Variants in PIK3C2G observed in about 807,000 individuals in gnomAD.
The protein encoded by PIK3C2G is phosphatidylinositol-4-phosphate 3-kinase catalytic subunit type 2 gamma.
Under a neutral mutation model 181.1 loss-of-function variants are expected in PIK3C2G, and 168 were observed. The ratio of observed to expected loss-of-function variants is 0.93; its 90% CI spans 0.82 to 1.05. The LOEUF (loss-of-function observed/expected upper bound fraction) is 1.05. Among genes scored for constraint, PIK3C2G ranks in the 50% least tolerant of loss-of-function variants. The pLI, the probability that PIK3C2G is intolerant of heterozygous loss-of-function variation, is 0.00. For missense variants in PIK3C2G, 1,869 were observed against 1,732.8 expected (o/e 1.08, Z -1.40); for synonymous variants, 573 against 592.2 (o/e 0.97, Z 0.47).
At chr12:18,500,418 G>C (rs1205303892) in intron 22 of PIK3C2G, among the ~76,000 whole-genome samples, 1 of 152,178 alleles carries the variant, frequency 6.6e-6, no homozygotes, top group Non-Finnish European at 1.5e-5. Context: ...AGCCATGCCT[G>C]AGCCTCCCCA....
At chr12:18,485,072 C>T (rs1939904119) in intron 18 of PIK3C2G, among the ~76,000 whole-genome samples, 1 of 152,120 alleles carries the variant, frequency 6.6e-6, no homozygotes, top group Admixed American at 6.6e-5. Context: ...CCTCTCTTGA[C>T]CCACAGAAAA....
intron 26 of PIK3C2G, among the ~76,000 whole-genome samples, chr12:18,547,315 C>T (rs566587450): frequency 2.6e-5 from 4 of 151,948 alleles, no homozygotes; most frequent in African/African-American, 4.8e-5. Context: ...GGTGGCAGTG[C>T]GGCTTCATGG....
At chr12:18,512,360 G>T (rs1191218898) in intron 24 of PIK3C2G, among the ~76,000 whole-genome samples, 1 of 151,818 alleles carries the variant, frequency 6.6e-6, no homozygotes, top group Non-Finnish European at 1.5e-5. Context: ...ATGACATCTG[G>T]TTTTTATAGG....
At chr12:18,609,034 AT>A (rs1415185059) in intron 30 of PIK3C2G, among the ~76,000 whole-genome samples, 2 of 152,124 alleles carry the variant, frequency 1.3e-5, no homozygotes, top group African/African-American at 2.4e-5. Context: ...CAACTTTTGA[AT>A]TTTATCAGTT....
rs140347963 is a variant in PIK3C2G, at chr12:18,302,864, G to T, written c.1034+8849G>T. Among the ~76,000 whole-genome samples the T allele has an allele frequency of 3.1e-3, 479 of 152,164 alleles. 3 individuals are homozygous for T. The highest frequency in any genetic ancestry group is 0.011 in the African/African-American group (451 of 41,524). ...CCACGGATATGTTTGGGTGCTATGTGGCAGGCAGGCTAAGTCTTTTGTCAG... is the reference window on the plus strand; with the variant it reads ...CCACGGATATGTTTGGGTGCTATGTTGCAGGCAGGCTAAGTCTTTTGTCAG... On this transcript the variant is annotated intron_variant, in intron 5 of 32. Transcript: ENST00000538779.
At chr12:18,303,139 T>TC (rs1555153608) in intron 5 of PIK3C2G, among the ~76,000 whole-genome samples, 1 of 128,660 alleles carries the variant, frequency 7.8e-6, no homozygotes, top group Non-Finnish European at 1.6e-5. Flanking sequence ...TCTTTCTTTC[T>TC]TTTCTTTTCT....
chr12:18,346,689 T>C lies in PIK3C2G; in HGVS notation c.1478T>C (p.Leu493Pro), dbSNP rs1939702909. The change falls in exon 11 of 33, where the codon CTA (leucine) becomes CCA (proline). Residue 493 changes from leucine to proline, a missense_variant. Physicochemically the swap from Leu to Pro is moderately conservative, Grantham distance 98 (BLOSUM62 -3). Coordinates refer to ENST00000538779, the MANE Select transcript of PIK3C2G (RefSeq NM_001288772.2). ...TTELSTSIYQ[L>P]INVYCNSFYA... ...GAACTATCCACATCCATCTACCAGC[T>C]AATCAATGTCTACTGTAACAGCTTT... The C allele has an allele frequency of 6.2e-7, 1 of 1,613,246 alleles. No homozygotes were observed. Among genetic ancestry groups the C allele is most frequent in the Non-Finnish European group, 8.5e-7 (1 of 1,179,408 alleles).
the PIK3C2G span, chr12:18,693,591 G>C: frequency 6.3e-7 from 1 of 1,590,232 alleles, no homozygotes; most frequent in Non-Finnish European, 8.6e-7. Context: ...GAATTGTTTC[G>C]AGTTGCTGAA....
Position 18,503,418 on chromosome 12 carries a change from G to A in PIK3C2G, c.3153+1G>A. ...CCACTTAAAGGCAGATTATGAAAAG[G>A]TTTGTCCTGTTGCAGATCATTTTAA... On this transcript the variant is annotated splice_donor_variant, in intron 23 of 32. Coordinates refer to ENST00000538779, the MANE Select transcript of PIK3C2G (RefSeq NM_001288772.2). LOFTEE classifies it high-confidence loss of function. 3 of 1,593,798 alleles carry A rather than the reference G, an allele frequency of 1.9e-6. No homozygotes were observed. The highest frequency in any genetic ancestry group is 2.3e-5 in the South Asian group (2 of 87,974).
the PIK3C2G span, among the ~76,000 whole-genome samples, chr12:18,704,159 G>C: frequency 6.6e-6 from 1 of 152,080 alleles, no homozygotes; most frequent in African/African-American, 2.4e-5. Context: ...GTTAATGAGA[G>C]GACAACCAGA....
At chr12:18,654,440 C>T in the PIK3C2G span, among the ~76,000 whole-genome samples, 1 of 152,038 alleles carries the variant, frequency 6.6e-6, no homozygotes, top group African/African-American at 2.4e-5. Flanking sequence ...AATCAAATCA[C>T]CTTTTCCTTC....
intron 11 of PIK3C2G, among the ~76,000 whole-genome samples, chr12:18,352,721 A>T (rs1461833926): frequency 6.6e-6 from 1 of 152,202 alleles, no homozygotes; most frequent in African/African-American, 2.4e-5. Context: ...TCTCAGCAGG[A>T]TGGAGAGCTA....
intron 10 of PIK3C2G, among the ~76,000 whole-genome samples, chr12:18,346,374 AT>A (rs1939670676): frequency 6.6e-6 from 1 of 152,178 alleles, no homozygotes. Context: ...CAAATTAATA[AT>A]TTTTTAAATT....
At chr12:18,302,380 C>A (rs1950211347) in intron 5 of PIK3C2G, among the ~76,000 whole-genome samples, 1 of 152,168 alleles carries the variant, frequency 6.6e-6, no homozygotes, top group Admixed American at 6.5e-5. Flanking sequence ...CCTAAGTCCC[C>A]CAGTGGCTTG....
chr12:18,452,869 C>A (rs532992675), intron 18 of PIK3C2G, among the ~76,000 whole-genome samples: 2 of 152,054 alleles, frequency 1.3e-5, no homozygotes, highest in South Asian at 4.2e-4. Flanking sequence ...ATGTAGTTGT[C>A]CAGTTTTGAT....
chr12:18,315,755 C>G (rs1003572378), intron 6 of PIK3C2G, among the ~76,000 whole-genome samples: 2 of 152,104 alleles, frequency 1.3e-5, no homozygotes, highest in African/African-American at 4.8e-5. Context: ...GATTTGAGCA[C>G]AGTCAGTGGG....
At chr12:18,381,332 T>A (rs1269686961) in intron 13 of PIK3C2G, among the ~76,000 whole-genome samples, 1 of 152,146 alleles carries the variant, frequency 6.6e-6, no homozygotes, top group Non-Finnish European at 1.5e-5. Context: ...TTAGAACTTG[T>A]ATCTTTAAAG....
At chr12:18,313,902 A>T in intron 5 of PIK3C2G, 60 bp from the exon 6 acceptor site, 2 of 886,868 alleles carry the variant, frequency 2.3e-6, no homozygotes, top group Admixed American at 4.7e-5. Flanking sequence ...TCAGAGAGGA[A>T]AACATGTATT....
chr12:18,245,823 TA>T (rs1215453944), upstream of PIK3C2G, among the ~76,000 whole-genome samples: 14 of 152,172 alleles, frequency 9.2e-5, no homozygotes, highest in African/African-American at 3.4e-4. Context: ...TTCATTACCA[TA>T]TTTTTTTATT....
Sources: gnomAD v4.1 joint callset for allele counts (sites outside exome capture counted in the v4.1 genomes callset) on GRCh38, gnomAD v4.1.1 for gene constraint, MANE v1.5 for transcripts, NCBI Gene and HGNC (gene_info 2026-07-23, HGNC 2026-07-21) for gene names.